Variants in ADAM9 observed in about 807,000 individuals in gnomAD.
ADAM9 encodes disintegrin and metalloproteinase domain-containing protein 9.
Under a neutral mutation model 108.1 loss-of-function variants are expected in ADAM9, and 54 were observed. The observed-to-expected ratio is 0.50, with a 90% CI of 0.40 to 0.63. The LOEUF (loss-of-function observed/expected upper bound fraction) is 0.63, where lower values mean the gene tolerates loss of function less well. Ranked by LOEUF, ADAM9 falls within the 20% of genes least tolerant of loss-of-function variation. The pLI is 0.00. For missense variants in ADAM9, 830 were observed against 997.7 expected (o/e 0.83, Z 2.26); for synonymous variants, 316 against 336.0 (o/e 0.94, Z 0.65).
chr8:39,064,183 T>C (rs961461441), intron 14 of ADAM9, among the ~76,000 whole-genome samples: 1 of 152,212 alleles, frequency 6.6e-6, no homozygotes, highest in African/African-American at 2.4e-5. Flanking sequence ...AGTGTTGATA[T>C]GTTTTTGGAC....
intron 16 of ADAM9, among the ~76,000 whole-genome samples, chr8:39,079,270 A>T (rs1564360845): frequency 6.6e-6 from 1 of 151,912 alleles, no homozygotes; most frequent in Non-Finnish European, 1.5e-5. Flanking sequence ...TGCCTGGCTA[A>T]TTTTTTTTAA....
Position 39,067,311 on chromosome 8 carries a change from G to A in ADAM9, c.1592-3987G>A, listed in dbSNP as rs187144152. Among the ~76,000 whole-genome samples, 226 of 152,216 alleles carry A rather than the reference G, an allele frequency of 1.5e-3. 5 individuals carry two copies. In the East Asian group the frequency reaches 0.031, roughly 21 times the overall value. On this transcript the variant is annotated intron_variant, in intron 14 of 21. Transcript: ENST00000487273. ...AAGAAAGTCATTGGTAGCTTGATGG[G>A]GATGGCATTGAATGTATAAATTACC...
chr8:39,022,251 T>C (rs1451845532), intron 8 of ADAM9, among the ~76,000 whole-genome samples: 1 of 152,198 alleles, frequency 6.6e-6, no homozygotes, highest in Non-Finnish European at 1.5e-5. Flanking sequence ...ATGATGATGA[T>C]AGCATTCACT....
intron 14 of ADAM9, among the ~76,000 whole-genome samples, chr8:39,062,280 G>A (rs984892444): frequency 1.3e-5 from 2 of 152,044 alleles, no homozygotes; most frequent in Non-Finnish European, 2.9e-5. Context: ...TGTATGGGAG[G>A]GTTCTTCCTT....
chr8:39,014,429 C>A, intron 4 of ADAM9: 2 of 605,422 alleles, frequency 3.3e-6, no homozygotes, highest in Non-Finnish European at 5.9e-6. Context: ...AAGAAAAACA[C>A]TCATTTGATG....
intron 19 of ADAM9, among the ~76,000 whole-genome samples, chr8:39,090,703 A>G (rs754368369): frequency 1.3e-5 from 2 of 152,178 alleles, no homozygotes; most frequent in African/African-American, 2.4e-5. Context: ...CCAATTTCTG[A>G]TAGAGGACTA....
At chr8:39,013,028 C>G (rs1427042439) in intron 3 of ADAM9, among the ~76,000 whole-genome samples, 1 of 152,150 alleles carries the variant, frequency 6.6e-6, no homozygotes, top group Non-Finnish European at 1.5e-5. Flanking sequence ...TTATGAATCA[C>G]TAGTTAGCAC....
chr8:39,044,917 T>TATGTGTGTGCACACATACATAG (rs1837574437), intron 12 of ADAM9, among the ~76,000 whole-genome samples: 6 of 151,368 alleles, frequency 4.0e-5, no homozygotes, highest in Non-Finnish European at 7.4e-5. Context: ...TACATATGTA[T>TATGTGTGTGCACACATACATAG]GTATATATGT....
chr8:39,078,162 A>G (rs906969531), intron 16 of ADAM9, among the ~76,000 whole-genome samples: 1 of 152,152 alleles, frequency 6.6e-6, no homozygotes, highest in Admixed American at 6.5e-5. Flanking sequence ...TTCAGTTCCA[A>G]TTCTGTTTCT....
intron 20 of ADAM9, among the ~76,000 whole-genome samples, chr8:39,096,501 A>C (rs1371401167): frequency 6.6e-6 from 1 of 152,142 alleles, no homozygotes; most frequent in African/African-American, 2.4e-5. Flanking sequence ...TATATTGCTT[A>C]TCATTAACAC....
intron 15 of ADAM9, among the ~76,000 whole-genome samples, chr8:39,076,518 C>T (rs1838854482): frequency 1.3e-5 from 2 of 152,088 alleles, no homozygotes; most frequent in South Asian, 4.1e-4. Flanking sequence ...GCAGTGATAT[C>T]ATAGAGAAGA....
intron 11 of ADAM9, among the ~76,000 whole-genome samples, chr8:39,028,876 G>C (rs1217271681): frequency 6.6e-6 from 1 of 152,150 alleles, no homozygotes; most frequent in East Asian, 1.9e-4. Flanking sequence ...TGAAACAACA[G>C]AACAGGCTTC....
chr8:39,043,392 C>T (rs1837513577), intron 12 of ADAM9, among the ~76,000 whole-genome samples: 1 of 152,186 alleles, frequency 6.6e-6, no homozygotes, highest in South Asian at 2.1e-4. Context: ...TTCTTCCCAA[C>T]AGTGCACAAG....
At chr8:39,086,093 C>A (rs1256942997) in intron 18 of ADAM9, among the ~76,000 whole-genome samples, 1 of 152,040 alleles carries the variant, frequency 6.6e-6, no homozygotes, top group Non-Finnish European at 1.5e-5. Flanking sequence ...TGGCTCATGG[C>A]AATCTCTGCC....
At chr8:39,045,061 C>T (rs1479278888) in intron 12 of ADAM9, among the ~76,000 whole-genome samples, 1 of 18,124 alleles carries the variant, frequency 5.5e-5, no homozygotes, top group African/African-American at 3.1e-4. Context: ...TGTGTGTGTG[C>T]ATACATACAT....
intron 20 of ADAM9, among the ~76,000 whole-genome samples, chr8:39,093,662 T>C (rs1389853155): frequency 6.6e-6 from 1 of 152,260 alleles, no homozygotes; most frequent in Non-Finnish European, 1.5e-5. Context: ...CCTTGTCTTA[T>C]TCCTGATCTT....
chr8:39,075,412 G>C (rs761603645), intron 15 of ADAM9, among the ~76,000 whole-genome samples: 4 of 152,178 alleles, frequency 2.6e-5, no homozygotes, highest in Non-Finnish European at 1.5e-5. Context: ...ATGAGTTTGT[G>C]CCATATGAAT....
Position 39,101,893 on chromosome 8 carries a change from A to G in ADAM9, c.2329A>G (p.Thr777Ala). 6.2e-7 allele frequency: 1 copy of G among 1,613,956 alleles called. No individual in the cohort carries two copies. The highest frequency in any genetic ancestry group is 8.5e-7 in the Non-Finnish European group (1 of 1,179,908). The change falls in exon 21 of 22, where the codon ACC becomes GCC. Residue 777 changes from threonine to alanine, a missense_variant. Thr to Ala is a moderately conservative substitution (Grantham distance 58). Around this residue, in one of 3 missense-constraint regions of ADAM9, gnomAD observed 238 missense variants for 235.7 expected, o/e 1.01. Transcript: ENST00000487273. ...ATATGCAAACAGATTTGCAGTACCA[A>G]CCTATGCAGCCAAGCAACCTCAGCA... ...PIYANRFAVP[T>A]YAAKQPQQFP... is the part of the protein sequence containing the mutation.
chr8:38,999,808 T>C (rs1180747039), intron 1 of ADAM9, among the ~76,000 whole-genome samples: 1 of 152,250 alleles, frequency 6.6e-6, no homozygotes, highest in Non-Finnish European at 1.5e-5. Flanking sequence ...TAGAATTTAT[T>C]ATGGAATCCC....
Sources: gnomAD v4.1 joint callset for allele counts (sites outside exome capture counted in the v4.1 genomes callset) on GRCh38, gnomAD v4.1.1 for gene constraint, gnomAD v4.1.1 regional missense constraint, MANE v1.5 for transcripts, NCBI Gene and HGNC (gene_info 2026-07-23, HGNC 2026-07-21) for gene names.